NRG3: variants seen among roughly 807,000 people sequenced by gnomAD.
NRG3 encodes the protein pro-neuregulin-3, membrane-bound isoform.
Under a neutral mutation model 66.9 loss-of-function variants are expected in NRG3, and 31 were observed. That is an observed-to-expected ratio of 0.46 (90% CI 0.35 to 0.63). The LOEUF (loss-of-function observed/expected upper bound fraction) is 0.63. NRG3 is among the 20% of genes least tolerant of loss of function. The pLI is 0.00. For synonymous variants in NRG3, 393 were observed against 359.4 expected (o/e 1.09, Z -1.06); for missense variants, 910 against 878.9 (o/e 1.04, Z -0.45).
chr10:82,540,325 C>G (rs574843655), intron 2 of NRG3, among the ~76,000 whole-genome samples: 2 of 152,098 alleles, frequency 1.3e-5, no homozygotes, highest in Non-Finnish European at 2.9e-5. Flanking sequence ...TTCCATCTCT[C>G]TCTCCCTTCT....
intron 1 of NRG3, among the ~76,000 whole-genome samples, chr10:81,939,015 C>T (rs1204273090): frequency 2.0e-5 from 3 of 152,002 alleles, no homozygotes; most frequent in East Asian, 3.9e-4. Flanking sequence ...ATTGAGGTGA[C>T]CATGAGATTC....
At chr10:81,910,215 C>T (rs917289689) in intron 1 of NRG3, among the ~76,000 whole-genome samples, 1 of 152,214 alleles carries the variant, frequency 6.6e-6, no homozygotes, top group Middle Eastern at 3.4e-3. Context: ...TGCTGTCCAC[C>T]TACTAGGCAC....
intron 1 of NRG3, among the ~76,000 whole-genome samples, chr10:82,273,463 T>G (rs2134343562): frequency 6.6e-6 from 1 of 152,216 alleles, no homozygotes. Context: ...TTCAAGATTT[T>G]GAAAACATTT....
chr10:82,581,307 A>G (rs2046343041), intron 2 of NRG3, among the ~76,000 whole-genome samples: 1 of 152,008 alleles, frequency 6.6e-6, no homozygotes. Context: ...TCAGTTTAAA[A>G]AATTCCTTAT....
At position 81,921,048 on chromosome 10, in the gene NRG3, G is replaced by A. The variant is rs182307733; in HGVS notation, c.823+44885G>A. Reference sequence around the variant, plus strand: ...TTTACATTTTAAGTCTTTTTGGTATGTATTTGCAAATTGATTTTAAAATAT... The same window carrying A: ...TTTACATTTTAAGTCTTTTTGGTATATATTTGCAAATTGATTTTAAAATAT... On this transcript the variant is annotated intron_variant, in intron 1 of 8. Transcript: ENST00000372141. Among the ~76,000 whole-genome samples, 177 of 152,122 alleles carry A rather than the reference G, an allele frequency of 1.2e-3. 1 individual carries two copies. The highest frequency in any genetic ancestry group is 0.01 in the Middle Eastern group (3 of 294).
At chr10:82,411,150 A>G (rs1477140026) in intron 2 of NRG3, among the ~76,000 whole-genome samples, 1 of 152,120 alleles carries the variant, frequency 6.6e-6, no homozygotes, top group African/African-American at 2.4e-5. Context: ...TCCTGACCTC[A>G]GGTGATCTAC....
chr10:82,264,639 G>A (rs978147111), intron 1 of NRG3, among the ~76,000 whole-genome samples: 8 of 152,120 alleles, frequency 5.3e-5, no homozygotes, highest in African/African-American at 9.7e-5. Context: ...TTTAAAAGTC[G>A]GGAAAAGGAA....
At chr10:82,682,455 GA>G in intron 2 of NRG3, among the ~76,000 whole-genome samples, 1 of 152,004 alleles carries the variant, frequency 6.6e-6, no homozygotes. Context: ...TTAGGAGATA[GA>G]AAATGTCTTT....
intron 1 of NRG3, among the ~76,000 whole-genome samples, chr10:82,269,284 T>A (rs549139321): frequency 1.8e-4 from 28 of 152,286 alleles, no homozygotes; most frequent in Admixed American, 1.1e-3. Flanking sequence ...CAGTGATAGT[T>A]AATTCTTGTT....
intron 2 of NRG3, among the ~76,000 whole-genome samples, chr10:82,543,863 G>T (rs886576779): frequency 1.3e-5 from 2 of 152,160 alleles, no homozygotes; most frequent in African/African-American, 4.8e-5. Flanking sequence ...GGCTTAGGGG[G>T]ATAAGCTTCA....
chr10:82,698,745 G>T (rs975028035), intron 2 of NRG3, among the ~76,000 whole-genome samples: 1 of 151,904 alleles, frequency 6.6e-6, no homozygotes, highest in Non-Finnish European at 1.5e-5. Context: ...CGGTTGTGAG[G>T]AACAAAGGAG....
chr10:82,419,325 C>G (rs1442839534), intron 2 of NRG3, among the ~76,000 whole-genome samples: 1 of 152,008 alleles, frequency 6.6e-6, no homozygotes, highest in Admixed American at 6.6e-5. Context: ...TTTAAACATT[C>G]CGGAAATAAC....
intron 2 of NRG3, among the ~76,000 whole-genome samples, chr10:82,419,347 T>C (rs1030075286): frequency 1.4e-4 from 22 of 152,170 alleles, no homozygotes; most frequent in Admixed American, 1.3e-4. Flanking sequence ...ATCTGCACTT[T>C]CAAATGCAAG....
At chr10:82,274,053 T>G (rs1302588476) in intron 1 of NRG3, among the ~76,000 whole-genome samples, 5 of 152,038 alleles carry the variant, frequency 3.3e-5, no homozygotes, top group Non-Finnish European at 7.4e-5. Context: ...CTGCCTCATT[T>G]TCCACCTCCT....
At chr10:82,539,335 A>G (rs1468273816) in intron 2 of NRG3, among the ~76,000 whole-genome samples, 2 of 152,214 alleles carry the variant, frequency 1.3e-5, no homozygotes, top group African/African-American at 4.8e-5. Flanking sequence ...TACCCCTGCT[A>G]CAGAGAATTC....
At chr10:82,045,556 A>G (rs2133062621) in intron 1 of NRG3, among the ~76,000 whole-genome samples, 1 of 56,652 alleles carries the variant, frequency 1.8e-5, no homozygotes. Context: ...TGCTGTGCAG[A>G]AGCTCTTTAG....
At chr10:82,837,713 G>A (rs753271552) in intron 3 of NRG3, among the ~76,000 whole-genome samples, 3 of 152,120 alleles carry the variant, frequency 2.0e-5, no homozygotes, top group Non-Finnish European at 4.4e-5. Flanking sequence ...TTACAACAAT[G>A]CAAATGCCCG....
At chr10:82,035,668 A>G (rs570126532) in intron 1 of NRG3, among the ~76,000 whole-genome samples, 73 of 152,268 alleles carry the variant, frequency 4.8e-4, no homozygotes, top group African/African-American at 1.8e-3. Flanking sequence ...TATATAAAAA[A>G]TAGCCTCATA....
intron 2 of NRG3, among the ~76,000 whole-genome samples, chr10:82,692,357 A>G (rs2055007882): frequency 6.6e-6 from 1 of 152,196 alleles, no homozygotes; most frequent in African/African-American, 2.4e-5. Flanking sequence ...AACTAGTACT[A>G]GAAATTCAAA....
Sources: allele counts gnomAD v4.1 joint callset (sites outside exome capture counted in the v4.1 genomes callset), GRCh38; gene constraint gnomAD v4.1.1; transcripts MANE v1.5; gene names NCBI Gene and HGNC (gene_info 2026-07-23, HGNC 2026-07-21).